The following ZFYVE28 variants were observed in gnomAD, a reference collection of about 807,000 sequenced individuals.
ZFYVE28 encodes lateral signaling target protein 2 homolog.
ZFYVE28 carries 40 observed loss-of-function variants against 82.1 expected under a neutral mutation model. That is an observed-to-expected ratio of 0.49 (90% CI 0.38 to 0.63). ZFYVE28 has a LOEUF of 0.63. ZFYVE28 is among the 30% of genes least tolerant of loss of function. ZFYVE28 has a pLI of 0.00. For synonymous variants in ZFYVE28, 612 were observed against 546.1 expected (o/e 1.12, Z -1.68); for missense variants, 1,321 against 1,242.1 (o/e 1.06, Z -0.96).
At chr4:2,330,974 G>A (rs1020283561) in intron 6 of ZFYVE28, 1 of 1,535,028 alleles carries the variant, frequency 6.5e-7, no homozygotes, top group East Asian at 2.4e-5. Flanking sequence ...CCCTGAAGAG[G>A]ATCCGGCAAC....
At chr4:2,413,395 G>A (rs59519586) in intron 1 of ZFYVE28, among the ~76,000 whole-genome samples, 2,256 of 152,316 alleles carry the variant, frequency 0.015, 49 homozygotes, top group African/African-American at 0.048. Context: ...CAGAGCCGCC[G>A]GGGGAGCCCC....
chr4:2,290,040 C>T (rs866368212), intron 8 of ZFYVE28, among the ~76,000 whole-genome samples: 1 of 152,186 alleles, frequency 6.6e-6, no homozygotes, highest in Non-Finnish European at 1.5e-5. Context: ...GAGGCCAGCC[C>T]AGCTCAACAA....
intron 2 of ZFYVE28, among the ~76,000 whole-genome samples, chr4:2,346,182 A>T (rs1473999966): frequency 2.7e-4 from 40 of 148,570 alleles, no homozygotes; most frequent in Non-Finnish European, 5.5e-4. Flanking sequence ...AAAAAAAAAA[A>T]ATACAAAAAA....
rs377502754 is a variant in ZFYVE28, at chr4:2,349,563, C to T, written c.180+4370G>A. Among the ~76,000 whole-genome samples, 5 of 152,132 alleles carry T rather than the reference C, an allele frequency of 3.3e-5. No individual in the cohort carries two copies. The East Asian group carries it at 9.6e-4, about 29-fold the overall frequency. On this transcript the variant is annotated intron_variant, in intron 2 of 12. Coordinates refer to ENST00000290974, the MANE Select transcript of ZFYVE28 (RefSeq NM_020972.3). ...TTAAAATGTAAATGAATCAGCCAAG[C>T]GTTCCCTGTTTCAATGATATAACTG... is the stretch of plus-strand genomic sequence containing the variant.
At chr4:2,322,404 A>G (rs958432005) in intron 6 of ZFYVE28, among the ~76,000 whole-genome samples, 4 of 151,648 alleles carry the variant, frequency 2.6e-5, no homozygotes, top group African/African-American at 9.7e-5. Flanking sequence ...CCATGCTGCC[A>G]TGAGCAGGGG....
chr4:2,360,480 C>T (rs574818906), intron 1 of ZFYVE28, among the ~76,000 whole-genome samples: 1 of 151,918 alleles, frequency 6.6e-6, no homozygotes, highest in South Asian at 2.1e-4. Context: ...TGAGTTAGCC[C>T]CTGAGCTAGC....
In ZFYVE28 at chr4:2,317,111, C is replaced by T. The variant is rs139362172; in HGVS notation, c.803+3059G>A. Among the ~76,000 whole-genome samples, 74 of 151,668 alleles carry T rather than the reference C, an allele frequency of 4.9e-4. 1 individual carries two copies. Among genetic ancestry groups the T allele is most frequent in the Middle Eastern group, 3.4e-3 (1 of 294 alleles). On this transcript the variant is annotated intron_variant, in intron 7 of 12. Transcript: ENST00000290974. Reference sequence around the variant, plus strand: ...TCAAGCGATTCTCTGGTCTCAGCCTCCCAAGTAGCTGGGATTACAGGAATG... The same window carrying T: ...TCAAGCGATTCTCTGGTCTCAGCCTTCCAAGTAGCTGGGATTACAGGAATG...
intron 8 of ZFYVE28, among the ~76,000 whole-genome samples, chr4:2,284,517 C>T (rs1198236201): frequency 1.3e-5 from 2 of 152,156 alleles, no homozygotes; most frequent in East Asian, 3.8e-4. Flanking sequence ...GCAGCAGGAG[C>T]CCAAGATGGG....
rs142027241 is a variant in ZFYVE28 at position 2,273,195 on chromosome 4, G to A, written c.2301C>T (p.Asp767=). The change falls in exon 10 of 13, where the codon GAC becomes GAT. Residue 767 remains aspartate (D), a synonymous_variant. Transcript: ENST00000290974. ...FEVMATKPET[D]DKEKLRKVTQ... is the part of the protein sequence containing the mutation. ...CACCCTTCCTTAACTTTTCCTTGTC[G>A]TCTGTTTCAGGCTTGGTGGCCATGA... 180 of 1,613,734 alleles carry A rather than the reference G, an allele frequency of 1.1e-4. No homozygotes were observed. In the African/African-American group the frequency reaches 1.5e-3, roughly 14 times the overall value.
At chr4:2,308,683 G>GAAAAGAAAAGAAAAGAAAAGA (rs1553830772) in intron 7 of ZFYVE28, among the ~76,000 whole-genome samples, 1 of 81,442 alleles carries the variant, frequency 1.2e-5, no homozygotes, top group African/African-American at 5.0e-5. Flanking sequence ...GAAAGAGAAA[G>GAAAAGAAAAGAAAAGAAAAGA]AAAGAAAAGA....
chr4:2,326,315 C>T (rs1054977470), intron 6 of ZFYVE28, among the ~76,000 whole-genome samples: 1 of 152,156 alleles, frequency 6.6e-6, no homozygotes, highest in Non-Finnish European at 1.5e-5. Flanking sequence ...AAGAGGCTGT[C>T]CTTGTCTTCT....
chr4:2,339,662 G>A lies in ZFYVE28; in HGVS notation c.319-7C>T, dbSNP rs755927393. ...TGGAGCCGGCGGCCAGGCACTGCGG[G>A]AGGGGACACACTCAGGGAGGGGCCC... On this transcript the variant is annotated splice_region_variant and splice_polypyrimidine_tract_variant and intron_variant, in intron 3 of 12. Transcript: ENST00000290974. This position sits in a 1 kb window ranked among gnomAD's most constrained non-coding sequence, Gnocchi z 5.0. 6.3e-7 allele frequency: 1 copy of A among 1,589,098 alleles called. No homozygotes were observed. Among genetic ancestry groups the A allele is most frequent in the Non-Finnish European group, 8.6e-7 (1 of 1,169,274 alleles).
intron 7 of ZFYVE28, among the ~76,000 whole-genome samples, chr4:2,318,275 T>C (rs1469886396): frequency 1.3e-5 from 2 of 152,170 alleles, no homozygotes; most frequent in African/African-American, 4.8e-5. Flanking sequence ...CAGGATCTTT[T>C]GGCTGGTCGC....
rs1733175459 is a variant in ZFYVE28, at chr4:2,417,306, GC to G, written c.39+978del. Among the ~76,000 whole-genome samples the G allele has an allele frequency of 6.6e-6, 1 of 152,096 alleles. No homozygotes were observed. Among genetic ancestry groups the G allele is most frequent in the African/African-American group, 2.4e-5 (1 of 41,444 alleles). On this transcript the variant is annotated intron_variant, in intron 1 of 12. Coordinates refer to ENST00000290974, the MANE Select transcript of ZFYVE28 (RefSeq NM_020972.3). The surrounding 1 kb of genome is among the most constrained non-coding windows in gnomAD (Gnocchi z 4.8). ...CGCCCAGATGCGCCCTGGACCCTGC[GC>G]CGGGATCCTGAACACCGCCGCGCCT...
chr4:2,304,241 C>A, intron 8 of ZFYVE28, 48 bp downstream of exon 8: 1 of 1,507,778 alleles, frequency 6.6e-7, no homozygotes, highest in South Asian at 1.3e-5. Flanking sequence ...CACCTGCCCC[C>A]CAGTGCAGAG....
At chr4:2,310,774 A>G (rs1717363419) in intron 7 of ZFYVE28, among the ~76,000 whole-genome samples, 1 of 152,248 alleles carries the variant, frequency 6.6e-6, no homozygotes, top group Non-Finnish European at 1.5e-5. Context: ...ACCACACTCC[A>G]GCCTGCATGA....
Position 2,418,134 on chromosome 4 carries a change from AG to A in ZFYVE28, c.39+150del. 1 of 610,436 alleles carries A rather than the reference AG, an allele frequency of 1.6e-6. No homozygotes were observed. Among genetic ancestry groups the A allele is most frequent in the Non-Finnish European group, 2.5e-6 (1 of 392,800 alleles). 37.8% of individuals were successfully genotyped at this position (610,436 alleles called of 1,614,324 possible). A position where few individuals can be genotyped will look rare whatever the true frequency, so the allele number is the denominator to read the frequency against. On this transcript the variant is annotated intron_variant, in intron 1 of 12. Transcript: ENST00000290974. The surrounding 1 kb of genome is among the most constrained non-coding windows in gnomAD (Gnocchi z 4.6). ...AGACAGGGCGATGAAGATCTGTCCAAGTCTTGGAGTGGAGGGAAGGATGTCG... is the reference window on the plus strand; with the variant it reads ...AGACAGGGCGATGAAGATCTGTCCAATCTTGGAGTGGAGGGAAGGATGTCG...
intron 1 of ZFYVE28, among the ~76,000 whole-genome samples, chr4:2,356,428 C>A (rs1469389305): frequency 3.1e-5 from 1 of 31,914 alleles, no homozygotes; most frequent in East Asian, 1.7e-3. Context: ...GGTGTGCCCG[C>A]CCCCTCCCCG....
intron 1 of ZFYVE28, among the ~76,000 whole-genome samples, chr4:2,378,795 C>A (rs1293057014): frequency 6.6e-6 from 1 of 152,194 alleles, no homozygotes; most frequent in East Asian, 1.9e-4. Context: ...TTGTTTCAGA[C>A]CCGATACCCA....
Sources: gnomAD v4.1 joint callset for allele counts (sites outside exome capture counted in the v4.1 genomes callset) on GRCh38, gnomAD v4.1.1 for gene constraint, Gnocchi (gnomAD v3.1) non-coding constraint, MANE v1.5 for transcripts, NCBI Gene and HGNC (gene_info 2026-07-23, HGNC 2026-07-21) for gene names.